C16orf92: variants seen among roughly 807,000 people sequenced by gnomAD.
C16orf92 encodes fertilization-influencing membrane protein.
In C16orf92, 14 loss-of-function variants were observed where a neutral mutation model predicts 13.7. The observed-to-expected ratio is 1.02, with a 90% CI of 0.67 to 1.60. The LOEUF (loss-of-function observed/expected upper bound fraction) is 1.60, where lower values mean the gene tolerates loss of function less well. C16orf92 is among the 40% of genes most tolerant of loss of function. The pLI, the probability that C16orf92 is intolerant of heterozygous loss-of-function variation, is 0.00. For synonymous variants in C16orf92, 50 were observed against 57.4 expected (o/e 0.87, Z 0.58); for missense variants, 116 against 139.0 (o/e 0.83, Z 0.83).
At chr16:30,025,022 C>A (rs1293083516), downstream of C16orf92, 10 of 557,510 alleles carry the variant, frequency 1.8e-5, no homozygotes, top group South Asian at 1.8e-4. The surrounding 1 kb of genome is among the most constrained non-coding windows in gnomAD (Gnocchi z 4.1). Flanking sequence ...CTCTCCACCC[C>A]CTCAGTCCCC....
At chr16:30,026,491 C>A, downstream of C16orf92, 1 of 859,164 alleles carries the variant, frequency 1.2e-6, no homozygotes, top group South Asian at 1.7e-5. Flanking sequence ...CCTGGGAATA[C>A]GCTGGGTCTG....
At chr16:30,023,655 GT>G in intron 1 of C16orf92, 71 bp from the exon 2 acceptor site, 1 of 1,613,630 alleles carries the variant, frequency 6.2e-7, no homozygotes, top group East Asian at 2.2e-5. Flanking sequence ...AGGGTCCCAA[GT>G]CAGCTTCCGC....
downstream of C16orf92, chr16:30,026,894 G>T: frequency 6.7e-7 from 1 of 1,495,396 alleles, no homozygotes; most frequent in Non-Finnish European, 9.2e-7. Context: ...GGGGACACCA[G>T]TGATTGGGGT....
rs371030499 is a variant in C16orf92 at position 30,023,849 on chromosome 16, T to C, written c.187T>C (p.Phe63Leu). 3.7e-6 allele frequency: 6 copies of C among 1,613,770 alleles called. No homozygotes were observed. The highest frequency in any genetic ancestry group is 1.3e-5 in the African/African-American group (1 of 74,866). Residue 63 changes from phenylalanine to leucine, a missense_variant, in exon 2 of 4, where the codon TTT (phenylalanine) becomes CTT (leucine). Phe to Leu is a conservative substitution (Grantham distance 22). Coordinates refer to ENST00000681219, the MANE Select transcript of C16orf92 (RefSeq NM_001109659.2). Reference sequence around the variant, plus strand: ...AGCCAGGCTGCTGGCTGTGGCCCAGTTTATTGGAGAGAAACCCATCGTGTT... The same window carrying C: ...AGCCAGGCTGCTGGCTGTGGCCCAGCTTATTGGAGAGAAACCCATCGTGTT... ...DQARLLAVAQ[F>L]IGEKPIVFIN...
chr16:30,023,972 G>T, intron 2 of C16orf92, 27 bp from the exon 3 acceptor site: 1 of 1,599,086 alleles, frequency 6.3e-7, no homozygotes, highest in African/African-American at 1.3e-5. Flanking sequence ...CATCAGAGGG[G>T]AGTTAAGGGT....
intron 1 of C16orf92, 126 bp downstream of exon 1, chr16:30,023,530 C>A: frequency 1.5e-6 from 2 of 1,373,818 alleles, no homozygotes; most frequent in South Asian, 2.5e-5. Context: ...TCTCTCCCAT[C>A]CTGCTGGTCC....
chr16:30,027,410 G>C (rs1206122705), downstream of C16orf92, among the ~76,000 whole-genome samples: 1 of 152,248 alleles, frequency 6.6e-6, no homozygotes, highest in Non-Finnish European at 1.5e-5. Flanking sequence ...GAGTCACAGA[G>C]GGGCTAGGTA....
chr16:30,027,615 G>A (rs1446738536), downstream of C16orf92: 13 of 455,980 alleles, frequency 2.9e-5, no homozygotes, highest in South Asian at 4.6e-5. Context: ...ACAGCCAAGC[G>A]TTAAGGGGAA....
rs760921227 is a variant in C16orf92 at position 30,023,830 on chromosome 16, G to A, written c.168G>A (p.Arg56=). 6 of 1,614,126 alleles carry A rather than the reference G, an allele frequency of 3.7e-6. No homozygotes were observed. Among genetic ancestry groups the A allele is most frequent in the South Asian group, 3.3e-5 (3 of 91,086 alleles). Residue 56 remains arginine, a synonymous_variant, in exon 2 of 4, where the codon AGG becomes AGA. Transcript: ENST00000681219. ...FFDYPDSDQA[R]LLAVAQFIGE... ...ATTATCCGGACTCAGACCAAGCCAG[G>A]CTGCTGGCTGTGGCCCAGTTTATTG...
downstream of C16orf92, among the ~76,000 whole-genome samples, chr16:30,026,111 T>C (rs1316384856): frequency 6.6e-6 from 1 of 152,128 alleles, no homozygotes; most frequent in Non-Finnish European, 1.5e-5. Flanking sequence ...GGTGGGCACC[T>C]GTAATCCCAG....
chr16:30,023,958 G>T, intron 2 of C16orf92, 41 bp from the exon 3 acceptor site: 1 of 1,593,930 alleles, frequency 6.3e-7, no homozygotes, highest in South Asian at 1.1e-5. Flanking sequence ...ACCCTTCATT[G>T]GGCCATCAGA....
chr16:30,023,919 C>T (rs772531240), intron 2 of C16orf92, 34 bp downstream of exon 2: 31 of 1,597,210 alleles, frequency 1.9e-5, no homozygotes, highest in Middle Eastern at 1.7e-4. Context: ...CCTCCCTCCC[C>T]GCCAGGGTCT....
At chr16:30,023,962 C>G in intron 2 of C16orf92, 37 bp from the exon 3 acceptor site, 1 of 1,594,366 alleles carries the variant, frequency 6.3e-7, no homozygotes, top group Non-Finnish European at 8.6e-7. Flanking sequence ...TTCATTGGGC[C>G]ATCAGAGGGG....
At chr16:30,024,796 C>T (rs79797644), downstream of C16orf92, 43 of 217,254 alleles carry the variant, frequency 2.0e-4, no homozygotes, top group Middle Eastern at 1.6e-3. Flanking sequence ...CCTCTCCTCT[C>T]GGGTGATGGG....
At chr16:30,025,221 G>T (rs985042681), downstream of C16orf92, 7 of 1,506,934 alleles carry the variant, frequency 4.6e-6, no homozygotes, top group South Asian at 1.3e-5. The surrounding 1 kb of genome is among the most constrained non-coding windows in gnomAD (Gnocchi z 4.1). Flanking sequence ...GGCCGGGAGC[G>T]GGGCCAGAAG....
chr16:30,027,457 AC>A, downstream of C16orf92: 1 of 416,900 alleles, frequency 2.4e-6, no homozygotes, highest in South Asian at 1.7e-5. Flanking sequence ...GTGTGGCTCC[AC>A]AGCCCTCACT....
In C16orf92 at chr16:30,024,441, A is replaced by T. The variant is rs932474356; in HGVS notation, c.*214A>T. 18 of 659,546 alleles carry T rather than the reference A, an allele frequency of 2.7e-5. No homozygotes were observed. The highest frequency in any genetic ancestry group is 1.2e-4 in the Admixed American group (4 of 33,742). The allele number at this position is 659,546 out of a possible 1,614,324, so 40.9% of individuals were successfully genotyped here. ...AAGGGCCTTGGTGGCGTTCACGCAG[A>T]TCGTCTTTTATTAGCGGTCTGTAAA... is the stretch of plus-strand genomic sequence containing the variant. On this transcript the variant is annotated 3_prime_UTR_variant, in exon 4 of 4. Coordinates refer to ENST00000681219, the MANE Select transcript of C16orf92 (RefSeq NM_001109659.2).
downstream of C16orf92, chr16:30,026,856 G>C: frequency 1.2e-6 from 2 of 1,611,088 alleles, no homozygotes. Context: ...GTTGGGCAGA[G>C]AGACGGGGTG....
downstream of C16orf92, chr16:30,024,859 T>C: frequency 3.5e-6 from 1 of 285,736 alleles, no homozygotes. Flanking sequence ...CAGAGGCGTC[T>C]CCCCACATTC....
Sources: allele counts gnomAD v4.1 joint callset (sites outside exome capture counted in the v4.1 genomes callset), GRCh38; gene constraint gnomAD v4.1.1; non-coding constraint Gnocchi (gnomAD v3.1); transcripts MANE v1.5; gene names NCBI Gene and HGNC (gene_info 2026-07-23, HGNC 2026-07-21).